Variants in MSR1 observed in about 807,000 individuals in gnomAD.
MSR1 encodes the protein macrophage scavenger receptor types I and II.
Under a neutral mutation model 47.2 loss-of-function variants are expected in MSR1, and 53 were observed. That is an observed-to-expected ratio of 1.12 (90% CI 0.90 to 1.41). The LOEUF is 1.41. MSR1 is among the 40% of genes most tolerant of loss of function. The probability of loss-of-function intolerance (pLI) is 0.00; values close to 1 mark genes in which losing one functional copy is unlikely to be tolerated. For synonymous variants in MSR1, 239 were observed against 185.6 expected, an observed-to-expected ratio of 1.29 and a Z score of -2.34; for missense variants, 786 against 546.9, an observed-to-expected ratio of 1.44 and a Z score of -4.36.
At chr8:16,171,010 G>T (rs1446808194) in intron 3 of MSR1, among the ~76,000 whole-genome samples, 1 of 151,992 alleles carries the variant, frequency 6.6e-6, no homozygotes, top group Admixed American at 6.6e-5. Flanking sequence ...GATCACCTGA[G>T]GTCAGGAGTT....
chr8:16,190,539 T>C (rs555427020), intron 1 of MSR1, among the ~76,000 whole-genome samples: 2 of 152,244 alleles, frequency 1.3e-5, no homozygotes, highest in East Asian at 3.9e-4. Context: ...TTGTTCTTCT[T>C]GGGTTATTAT....
intron 5 of MSR1, 149 bp from the exon 6 acceptor site, chr8:16,155,293 A>G (rs1367227787): frequency 1.5e-6 from 1 of 649,674 alleles, no homozygotes; most frequent in Admixed American, 2.4e-5. Flanking sequence ...TCATGAATGG[A>G]GGAGTATTCT....
chr8:16,175,804 T>C (rs973744892), intron 2 of MSR1, among the ~76,000 whole-genome samples: 4 of 152,236 alleles, frequency 2.6e-5, no homozygotes, highest in African/African-American at 9.6e-5. Context: ...ATACCTCTTA[T>C]GATTTGAATA....
Position 16,187,998 on chromosome 8 carries a change from A to C in MSR1, c.-5+4600T>G, listed in dbSNP as rs1251864306. Among the ~76,000 whole-genome samples the C allele has an allele frequency of 2.0e-5, 3 of 152,180 alleles. No homozygotes were observed. In the South Asian group the frequency reaches 6.2e-4, roughly 31 times the overall value. On this transcript the variant is annotated intron_variant, in intron 1 of 9. Transcript: ENST00000262101. ...GGCAGTGAACAACTCACACTGTTCA[A>C]GTGTGCCTTTTAATATCAGTTCCAC...
intron 1 of MSR1, among the ~76,000 whole-genome samples, chr8:16,190,371 G>A (rs1020271789): frequency 6.6e-5 from 10 of 152,032 alleles, no homozygotes; most frequent in African/African-American, 2.2e-4. Flanking sequence ...ATGTGAATAT[G>A]GCAGTTTCAA....
intron 5 of MSR1, among the ~76,000 whole-genome samples, chr8:16,163,150 T>C (rs1346648616): frequency 6.6e-6 from 1 of 151,904 alleles, no homozygotes; most frequent in African/African-American, 2.4e-5. Context: ...TTGGTAATTT[T>C]GGTAGAGAGA....
intron 8 of MSR1, among the ~76,000 whole-genome samples, chr8:16,138,281 G>T (rs1404013431): frequency 6.6e-6 from 1 of 152,122 alleles, no homozygotes; most frequent in Non-Finnish European, 1.5e-5. Context: ...TCACACAAGT[G>T]TTGTATTGTA....
intron 6 of MSR1, among the ~76,000 whole-genome samples, chr8:16,152,086 C>A (rs904165743): frequency 6.6e-6 from 1 of 151,412 alleles, no homozygotes; most frequent in African/African-American, 2.4e-5. Flanking sequence ...TCTCCTCCCC[C>A]TCTTCCTCAT....
chr8:16,172,697 T>C (rs1801520179), intron 3 of MSR1, among the ~76,000 whole-genome samples: 1 of 152,134 alleles, frequency 6.6e-6, no homozygotes, highest in South Asian at 2.1e-4. Context: ...ACATAAATTC[T>C]TGATTTTTAT....
chr8:16,180,110 C>G, intron 1 of MSR1, among the ~76,000 whole-genome samples: 1 of 151,232 alleles, frequency 6.6e-6, no homozygotes, highest in East Asian at 2.0e-4. Flanking sequence ...CTGTCTGTCT[C>G]TCTCTCTCTC....
chr8:16,115,250 C>G (rs1799852165), intron 9 of MSR1, among the ~76,000 whole-genome samples: 1 of 152,188 alleles, frequency 6.6e-6, no homozygotes, highest in South Asian at 2.1e-4. Context: ...CCTGATTCTT[C>G]TCACTTTCCT....
chr8:16,168,768 T>G lies in MSR1; in HGVS notation c.320A>C (p.Glu107Ala), dbSNP rs985730827. 4 of 1,614,044 alleles carry G rather than the reference T, an allele frequency of 2.5e-6. No homozygotes were observed. The Admixed American group carries it at 5.0e-5, about 20-fold the overall frequency. Reference sequence around the variant, plus strand: ...CATAAAGACTTCTTGAAATCTCATTTCCTCTTCGCTGTCATTTCCTTTTCC... The same window carrying G: ...CATAAAGACTTCTTGAAATCTCATTGCCTCTTCGCTGTCATTTCCTTTTCC... ...LTGKGNDSEE[E>A]MRFQEVFMEH... Residue 107 changes from glutamate to alanine, a missense_variant, in exon 4 of 10, where the codon GAA becomes GCA. Coordinates refer to ENST00000262101, the MANE Select transcript of MSR1 (RefSeq NM_138715.3).
chr8:16,169,000 C>A, intron 3 of MSR1, 130 bp from the exon 4 acceptor site: 1 of 928,724 alleles, frequency 1.1e-6, no homozygotes, highest in Non-Finnish European at 1.6e-6. Context: ...TAGGCTAAAT[C>A]GAGTATTTTT....
rs55913131 is a variant in MSR1, at chr8:16,150,140, G to GTATATATATATATA, written c.979+77_979+90dup. 207 of 178,306 alleles carry GTATATATATATATA rather than the reference G, an allele frequency of 1.2e-3. 1 individual carries two copies. The highest frequency in any genetic ancestry group is 6.1e-3 in the African/African-American group (198 of 32,386). The allele number at this position is 178,306 out of a possible 1,614,324, so 11.0% of individuals were successfully genotyped here. On this transcript the variant is annotated intron_variant, in intron 7 of 9. Coordinates refer to ENST00000262101, the MANE Select transcript of MSR1 (RefSeq NM_138715.3). ...TATGTGTGTGTGTATGTGTGTGTGT[G>GTATATATATATATA]TATATATATATATATATATATATAT...
At chr8:16,162,612 G>A (rs1801192968) in intron 5 of MSR1, among the ~76,000 whole-genome samples, 1 of 151,942 alleles carries the variant, frequency 6.6e-6, no homozygotes. Flanking sequence ...TTGCAAGGAG[G>A]CAATGAGCAG....
chr8:16,164,545 TA>T (rs1037171448), intron 4 of MSR1, among the ~76,000 whole-genome samples: 10 of 152,036 alleles, frequency 6.6e-5, no homozygotes, highest in Admixed American at 6.6e-4. Context: ...ATTCTAACAA[TA>T]AAATTAAATA....
intron 8 of MSR1, among the ~76,000 whole-genome samples, chr8:16,127,255 A>T (rs1314573865): frequency 2.0e-5 from 3 of 152,130 alleles, no homozygotes; most frequent in South Asian, 2.1e-4. Context: ...AGTCATTCTG[A>T]TGTTCACCAT....
intron 1 of MSR1, among the ~76,000 whole-genome samples, chr8:16,178,307 A>G (rs546532729): frequency 8.3e-6 from 1 of 120,810 alleles, no homozygotes; most frequent in South Asian, 2.8e-4. Flanking sequence ...TCCTGTGACC[A>G]TGTGTTCTCA....
At chr8:16,163,033 T>A (rs1801204834) in intron 5 of MSR1, among the ~76,000 whole-genome samples, 1 of 152,052 alleles carries the variant, frequency 6.6e-6, no homozygotes, top group African/African-American at 2.4e-5. Context: ...TCCTTGTGTA[T>A]TTTAGGATGA....
Sources: gnomAD v4.1 joint callset for allele counts (sites outside exome capture counted in the v4.1 genomes callset) on GRCh38, gnomAD v4.1.1 for gene constraint, MANE v1.5 for transcripts, NCBI Gene and HGNC (gene_info 2026-07-23, HGNC 2026-07-21) for gene names.